Variants in PDE1C observed in about 807,000 individuals in gnomAD.
PDE1C encodes dual specificity calcium/calmodulin-dependent 3',5'-cyclic nucleotide phosphodiesterase 1C.
A neutral mutation model predicts 93.1 loss-of-function variants in PDE1C; 62 were observed. The observed-to-expected ratio is 0.67, with a 90% confidence interval of 0.54 to 0.82. The LOEUF (loss-of-function observed/expected upper bound fraction) is 0.82. Ranked by LOEUF, PDE1C falls within the 40% of genes least tolerant of loss-of-function variation. The pLI is 0.00. For missense variants in PDE1C, 742 were observed against 884.6 expected, an observed-to-expected ratio of 0.84 and a Z score of 2.04; for synonymous variants, 325 against 310.1, an observed-to-expected ratio of 1.05 and a Z score of -0.50.
chr7:32,050,634 T>A (rs986774376), intron 2 of PDE1C, among the ~76,000 whole-genome samples: 6 of 152,160 alleles, frequency 3.9e-5, no homozygotes, highest in Non-Finnish European at 5.9e-5. Context: ...ATATAATTTT[T>A]AAAAGATGAA....
chr7:31,750,402 C>T (rs936091136), downstream of PDE1C, among the ~76,000 whole-genome samples: 1 of 152,120 alleles, frequency 6.6e-6, no homozygotes, highest in Non-Finnish European at 1.5e-5. Context: ...AAATTAACTC[C>T]TTTTTACTGA....
intron 3 of PDE1C, among the ~76,000 whole-genome samples, chr7:32,086,996 T>C (rs1323141797): frequency 1.3e-5 from 2 of 151,886 alleles, no homozygotes; most frequent in Non-Finnish European, 1.5e-5. Flanking sequence ...AAGCCAAACT[T>C]GACAAATGGG....
At chr7:32,089,947 T>C (rs139411262) in intron 3 of PDE1C, among the ~76,000 whole-genome samples, 1 of 151,756 alleles carries the variant, frequency 6.6e-6, no homozygotes, top group Admixed American at 6.5e-5. Flanking sequence ...CCTGCTTCAC[T>C]AAGGCAGGAC....
chr7:31,725,338 C>T, the PDE1C span, among the ~76,000 whole-genome samples: 1 of 152,178 alleles, frequency 6.6e-6, no homozygotes, highest in Non-Finnish European at 1.5e-5. Context: ...AAAATGAGTC[C>T]TCACAACATG....
intron 3 of PDE1C, among the ~76,000 whole-genome samples, chr7:32,101,737 A>C (rs1459336671): frequency 6.6e-6 from 1 of 152,212 alleles, no homozygotes; most frequent in Non-Finnish European, 1.5e-5. Flanking sequence ...TAAATTTCCC[A>C]GTCTCTGGTA....
At chr7:31,848,754 T>C (rs1333481358) in intron 8 of PDE1C, among the ~76,000 whole-genome samples, 1 of 152,238 alleles carries the variant, frequency 6.6e-6, no homozygotes, top group African/African-American at 2.4e-5. Flanking sequence ...CCAAGGAAGC[T>C]GAGTTTCAGA....
chr7:31,927,396 G>A (rs1803543127), intron 2 of PDE1C, among the ~76,000 whole-genome samples: 1 of 152,164 alleles, frequency 6.6e-6, no homozygotes, highest in Admixed American at 6.6e-5. Flanking sequence ...GTTCCTGCCT[G>A]CCGGCTCTGA....
the PDE1C span, among the ~76,000 whole-genome samples, chr7:31,733,508 C>T: frequency 0.64 from 96,996 of 152,058 alleles, 32,991 homozygotes; most frequent in Non-Finnish European, 0.76. Flanking sequence ...AATCAGGTGA[C>T]TTGCCCAAGT....
chr7:32,075,464 T>G (rs768057347), upstream of PDE1C, among the ~76,000 whole-genome samples: 4 of 152,182 alleles, frequency 2.6e-5, no homozygotes, highest in Non-Finnish European at 5.9e-5. Flanking sequence ...TCTCTCTCAC[T>G]GGCTTCCTTT....
chr7:31,967,366 T>C (rs1810173806), intron 2 of PDE1C, among the ~76,000 whole-genome samples: 2 of 152,184 alleles, frequency 1.3e-5, no homozygotes, highest in South Asian at 2.1e-4. Flanking sequence ...CTAGAAGAAA[T>C]GGATAAATTC....
At chr7:32,049,210 C>T (rs147070140) in intron 2 of PDE1C, among the ~76,000 whole-genome samples, 1 of 152,160 alleles carries the variant, frequency 6.6e-6, no homozygotes, top group Admixed American at 6.5e-5. Context: ...CGAACCTGAA[C>T]AAGACAGAAT....
At chr7:32,319,124 C>A (rs1339961644) in intron 1 of PDE1C, among the ~76,000 whole-genome samples, 1 of 152,234 alleles carries the variant, frequency 6.6e-6, no homozygotes, top group African/African-American at 2.4e-5. Flanking sequence ...CAGTCCTCCG[C>A]AGCCTCCCTG....
intron 2 of PDE1C, among the ~76,000 whole-genome samples, chr7:31,976,631 G>A (rs567402483): frequency 6.5e-4 from 98 of 151,050 alleles, no homozygotes; most frequent in African/African-American, 2.0e-3. Flanking sequence ...AATCTGTGCA[G>A]CCCACTGCCA....
intron 3 of PDE1C, among the ~76,000 whole-genome samples, chr7:32,146,219 G>A (rs977768135): frequency 2.6e-5 from 4 of 152,148 alleles, no homozygotes; most frequent in African/African-American, 9.7e-5. Context: ...CCCACCTAAT[G>A]TGCTATTTGG....
intron 1 of PDE1C, among the ~76,000 whole-genome samples, chr7:32,338,076 T>G (rs1034434383): frequency 6.6e-6 from 1 of 152,166 alleles, no homozygotes; most frequent in African/African-American, 2.4e-5. Flanking sequence ...TCCTTAGATA[T>G]GACATCGAAA....
At chr7:31,859,836 A>C (rs1178790468) in intron 7 of PDE1C, among the ~76,000 whole-genome samples, 1 of 152,206 alleles carries the variant, frequency 6.6e-6, no homozygotes, top group African/African-American at 2.4e-5. Flanking sequence ...ATCTATGTGT[A>C]TATACATGTG....
chr7:31,858,862 A>G (rs546976945), intron 7 of PDE1C, among the ~76,000 whole-genome samples: 2 of 152,154 alleles, frequency 1.3e-5, no homozygotes, highest in South Asian at 4.1e-4. Context: ...TTATAACCAA[A>G]GAAAATAAAA....
the PDE1C span, among the ~76,000 whole-genome samples, chr7:31,655,074 T>C: frequency 6.6e-6 from 1 of 152,206 alleles, no homozygotes; most frequent in Non-Finnish European, 1.5e-5. Context: ...TCTATGACCC[T>C]GATTCCCAGC....
rs1228043243 is a variant in PDE1C at position 32,278,896 on chromosome 7, A to G, written c.85+19755T>C. Among the ~76,000 whole-genome samples, 4 of 152,226 alleles carry G rather than the reference A, an allele frequency of 2.6e-5. No individual in the cohort carries two copies. In the East Asian group the frequency reaches 7.7e-4, roughly 29 times the overall value. On this transcript the variant is annotated intron_variant, in intron 1 of 18. Coordinates refer to the PDE1C transcript ENST00000396193. ...AAACAATTGGCAGAAAGCTGGATAT[A>G]AAAGAGGACTCAATAAAAACTGGAG... is the stretch of plus-strand genomic sequence containing the variant.
Sources: gnomAD v4.1 joint callset for allele counts (sites outside exome capture counted in the v4.1 genomes callset) on GRCh38, gnomAD v4.1.1 for gene constraint, MANE v1.5 for transcripts, NCBI Gene and HGNC (gene_info 2026-07-23, HGNC 2026-07-21) for gene names.